DCHS2: variants seen among roughly 807,000 people sequenced by gnomAD.
DCHS2 encodes protocadherin-23.
Under a neutral mutation model 182.4 loss-of-function variants are expected in DCHS2, and 142 were observed. The observed-to-expected ratio is 0.78, with a 90% CI of 0.68 to 0.89. DCHS2 has a LOEUF of 0.89. DCHS2 is among the 40% of genes least tolerant of loss of function. The pLI is 0.00. For synonymous variants in DCHS2, 1,740 were observed against 1,663.3 expected (o/e 1.05, Z -1.12); for missense variants, 4,319 against 4,198.6 (o/e 1.03, Z -0.79).
chr4:154,319,093 A>C (rs1735959981), intron 9 of DCHS2, among the ~76,000 whole-genome samples: 1 of 152,132 alleles, frequency 6.6e-6, no homozygotes, highest in South Asian at 2.1e-4. Flanking sequence ...ACACTTTCGA[A>C]AAAGGCTAAT....
chr4:154,260,246 G>C (rs1732923458), intron 14 of DCHS2, among the ~76,000 whole-genome samples: 1 of 152,092 alleles, frequency 6.6e-6, no homozygotes, highest in Admixed American at 6.6e-5. Flanking sequence ...GAAAAGATTT[G>C]GGATCTTGCA....
intron 1 of DCHS2, among the ~76,000 whole-genome samples, chr4:154,404,489 G>T (rs538759607): frequency 6.6e-6 from 1 of 152,278 alleles, no homozygotes; most frequent in East Asian, 1.9e-4. Flanking sequence ...AATATGTTCT[G>T]CAACTGTTAG....
chr4:154,329,493 A>G (rs377529206), intron 6 of DCHS2, 30 bp downstream of exon 6: 165 of 1,594,946 alleles, frequency 1.0e-4, no homozygotes, highest in Non-Finnish European at 1.4e-4. Context: ...TTAAGATATT[A>G]CAAATTCATT....
At chr4:154,486,496 C>CA in intron 1 of DCHS2, 2 of 1,304,632 alleles carry the variant, frequency 1.5e-6, no homozygotes, top group Non-Finnish European at 2.0e-6. Flanking sequence ...TTGATTTTGA[C>CA]AAAGGCAACT....
intron 3 of DCHS2, among the ~76,000 whole-genome samples, chr4:154,341,467 C>T (rs566447417): frequency 1.4e-4 from 22 of 152,026 alleles, no homozygotes; most frequent in Admixed American, 3.9e-4. Flanking sequence ...CTCAGTTTTC[C>T]GCTAGGTTTT....
At chr4:154,477,581 CAT>C (rs1246086899) in intron 1 of DCHS2, among the ~76,000 whole-genome samples, 1 of 152,096 alleles carries the variant, frequency 6.6e-6, no homozygotes, top group Non-Finnish European at 1.5e-5. Context: ...GCATGAGTAA[CAT>C]AATCAGATTT....
rs79386786 is a variant in DCHS2, at chr4:154,312,980, T to C, written c.5260+2768A>G. ...CAAGTGTAGACTTAGGCGGTGCAGT[T>C]GTACACCTAGTGCAGCACCAGGGAT... is the stretch of plus-strand genomic sequence containing the variant. On this transcript the variant is annotated intron_variant, in intron 10 of 19. Transcript: ENST00000357232. 7.9e-4 allele frequency among the ~76,000 whole-genome samples: 120 copies of C among 152,294 alleles called. 1 individual carries two copies. The highest frequency in any genetic ancestry group is 2.6e-3 in the African/African-American group (109 of 41,568).
intron 1 of DCHS2, among the ~76,000 whole-genome samples, chr4:154,417,216 A>T (rs868567297): frequency 0.053 from 5,201 of 99,030 alleles, 419 homozygotes; most frequent in African/African-American, 0.15. Context: ...AGAGAGAGAG[A>T]GAGAGAGAGA....
At chr4:154,284,072 A>G (rs1031287132) in intron 13 of DCHS2, among the ~76,000 whole-genome samples, 26 of 152,222 alleles carry the variant, frequency 1.7e-4, no homozygotes, top group African/African-American at 5.3e-4. Flanking sequence ...ACCAAAATGT[A>G]CAGTTACACT....
rs139158749 is a variant in DCHS2, at chr4:154,451,277, C to T, written c.2052+38027G>A. ...GATTTTAGAGCAAAGCCCTGCCATTCTCTGCAGACAACTACTCTCCCTTTT... is the reference window on the plus strand; with the variant it reads ...GATTTTAGAGCAAAGCCCTGCCATTTTCTGCAGACAACTACTCTCCCTTTT... On this transcript the variant is annotated intron_variant, in intron 1 of 19. Transcript: ENST00000357232. Among the ~76,000 whole-genome samples, 1,093 of 152,272 alleles carry T rather than the reference C, an allele frequency of 7.2e-3. 7 individuals are homozygous for T. The highest frequency in any genetic ancestry group is 0.018 in the South Asian group (86 of 4,830).
intron 3 of DCHS2, among the ~76,000 whole-genome samples, chr4:154,339,451 C>CT (rs761820833): frequency 0.027 from 3,831 of 141,282 alleles, 64 homozygotes; most frequent in African/African-American, 0.048. Context: ...CATGAACAAA[C>CT]TTTTTTTTTT....
chr4:154,440,173 T>C (rs1014480398), intron 1 of DCHS2, among the ~76,000 whole-genome samples: 4 of 152,150 alleles, frequency 2.6e-5, no homozygotes, highest in Non-Finnish European at 5.9e-5. Context: ...AGACAGCTCC[T>C]GGAGGAAAGG....
chr4:154,413,580 G>C (rs7675294), intron 1 of DCHS2, among the ~76,000 whole-genome samples: 4,354 of 152,310 alleles, frequency 0.029, 175 homozygotes, highest in South Asian at 0.14. Flanking sequence ...AGGCTGACCT[G>C]TAGGGATGGA....
intron 14 of DCHS2, 71 bp downstream of exon 14, chr4:154,269,829 T>C: frequency 6.4e-7 from 1 of 1,556,080 alleles, no homozygotes; most frequent in South Asian, 1.2e-5. Flanking sequence ...CAATTTCTAC[T>C]TTGCAAATTT....
rs1446229337 is a variant in DCHS2, at chr4:154,490,270, G to A, written c.1086C>T (p.Ser362=). ...DAAYFAVEEL[S]GVVRVWRPLD... ...GAGGTCTCCACACTCGCACCACGCC[G>A]CTCAGCTCCTCCACCGCGAAGTAGG... The change falls in exon 1 of 20, where the codon AGC becomes AGT. Residue 362 remains serine, a synonymous_variant. Coordinates refer to ENST00000357232, the MANE Select transcript of DCHS2 (RefSeq NM_001358235.2). 1.9e-6 allele frequency: 3 copies of A among 1,548,838 alleles called. No homozygotes were observed. Among genetic ancestry groups the A allele is most frequent in the Non-Finnish European group, 2.6e-6 (3 of 1,146,762 alleles).
At chr4:154,258,913 G>A (rs578037472) in intron 15 of DCHS2, among the ~76,000 whole-genome samples, 4 of 152,240 alleles carry the variant, frequency 2.6e-5, no homozygotes, top group African/African-American at 9.6e-5. Flanking sequence ...CCAAAGTCAC[G>A]GGAGGTTAGA....
chr4:154,453,802 C>T (rs1292704745), intron 1 of DCHS2, among the ~76,000 whole-genome samples: 1 of 152,178 alleles, frequency 6.6e-6, no homozygotes, highest in South Asian at 2.1e-4. Flanking sequence ...CTAATTCCAT[C>T]ATGGAGGCTG....
At chr4:154,469,363 A>C (rs1735367270) in intron 1 of DCHS2, among the ~76,000 whole-genome samples, 2 of 152,152 alleles carry the variant, frequency 1.3e-5, no homozygotes, top group Non-Finnish European at 2.9e-5. Context: ...GAAAGATGCA[A>C]ATTAGCTTTG....
At chr4:154,368,637 C>T (rs188560193) in intron 2 of DCHS2, among the ~76,000 whole-genome samples, 81 of 152,218 alleles carry the variant, frequency 5.3e-4, no homozygotes, top group Non-Finnish European at 9.0e-4. Context: ...CTACCTCAGC[C>T]TCCCGAATAG....
Sources: gnomAD v4.1 joint callset for allele counts (sites outside exome capture counted in the v4.1 genomes callset) on GRCh38, gnomAD v4.1.1 for gene constraint, MANE v1.5 for transcripts, NCBI Gene and HGNC (gene_info 2026-07-23, HGNC 2026-07-21) for gene names.